TMEM150B: variants seen among roughly 807,000 people sequenced by gnomAD.
TMEM150B encodes transmembrane protein 150B.
TMEM150B carries 33 observed loss-of-function variants against 25.2 expected under a neutral mutation model. That is an observed-to-expected ratio of 1.31 (90% CI 0.99 to 1.75). The LOEUF (loss-of-function observed/expected upper bound fraction) is 1.75. Among genes scored for constraint, TMEM150B ranks in the 40% most tolerant of loss-of-function variants. TMEM150B has a pLI of 0.00. For missense variants in TMEM150B, 322 were observed against 306.1 expected, an observed-to-expected ratio of 1.05 and a Z score of -0.39; for synonymous variants, 133 against 134.8, an observed-to-expected ratio of 0.99 and a Z score of 0.09.
intron 5 of TMEM150B, 44 bp from the exon 6 acceptor site, chr19:55,320,210 G>T (rs1392529612): frequency 1.2e-6 from 2 of 1,600,650 alleles, no homozygotes; most frequent in Admixed American, 3.4e-5. Context: ...GACCCACCAA[G>T]AACTCCTGGG....
At chr19:55,325,029 A>G (rs2089298061) in intron 1 of TMEM150B, among the ~76,000 whole-genome samples, 1 of 152,180 alleles carries the variant, frequency 6.6e-6, no homozygotes, top group African/African-American at 2.4e-5. Context: ...CACCTGGCTG[A>G]TTCCCACTTC....
intron 6 of TMEM150B, 137 bp downstream of exon 6, chr19:55,319,902 C>T: frequency 6.8e-7 from 1 of 1,477,562 alleles, no homozygotes; most frequent in Non-Finnish European, 9.0e-7. Flanking sequence ...GGCCACTGGC[C>T]AGAGAAAAAT....
intron 7 of TMEM150B, among the ~76,000 whole-genome samples, chr19:55,314,215 T>C (rs2088916293): frequency 1.3e-5 from 2 of 151,978 alleles, no homozygotes; most frequent in South Asian, 4.1e-4. Flanking sequence ...AGAGATAGAG[T>C]TTCACCGTGT....
rs531003597 is a variant in TMEM150B at position 55,318,459 on chromosome 19, C to T, written c.325-1493G>A. On this transcript the variant is annotated intron_variant, in intron 6 of 7. Coordinates refer to ENST00000326652, the MANE Select transcript of TMEM150B (RefSeq NM_001282011.2). The stretch of plus-strand genomic sequence containing the variant: ...CCAGCCTGGCCAATATGGTGAAATC[C>T]CATCTCTACTAAAAATACAAAAAAA... Among the ~76,000 whole-genome samples, 15 of 152,020 alleles carry T rather than the reference C, an allele frequency of 9.9e-5. No homozygotes were observed. In the South Asian group the frequency reaches 1.0e-3, roughly 11 times the overall value.
chr19:55,314,863 C>T (rs565586635), intron 7 of TMEM150B, among the ~76,000 whole-genome samples: 37 of 152,326 alleles, frequency 2.4e-4, no homozygotes, highest in Admixed American at 9.8e-4. Flanking sequence ...TTCCAAGAAA[C>T]GGATGCACTT....
In TMEM150B at chr19:55,312,963, C is replaced by A; in HGVS notation, c.598G>T (p.Ala200Ser). The change falls in exon 8 of 8, where the codon GCC becomes TCC. Residue 200 changes from alanine (A) to serine (S), a missense_variant. Ala to Ser is a moderately conservative substitution (Grantham distance 99). Coordinates refer to ENST00000326652, the MANE Select transcript of TMEM150B (RefSeq NM_001282011.2). ...CTCTCCAGGGCGGAGAAGTCAACGG[C>A]TAAGAGACCGAAGAGCGCGAACAGC... ...MLLFALFGLLAVDFSALESCT... is the reference protein window; with the variant it reads ...MLLFALFGLLSVDFSALESCT... 4 of 1,613,540 alleles carry A rather than the reference C, an allele frequency of 2.5e-6. No homozygotes were observed. Among genetic ancestry groups the A allele is most frequent in the Non-Finnish European group, 3.4e-6 (4 of 1,179,804 alleles).
intron 1 of TMEM150B, 27 bp from the exon 2 acceptor site, chr19:55,322,770 G>T (rs905213973): frequency 3.1e-6 from 3 of 974,096 alleles, no homozygotes; most frequent in Non-Finnish European, 3.7e-6. Flanking sequence ...CAGGCTGCAG[G>T]ACTGCCTGGG....
rs1481539389 is a variant in TMEM150B at position 55,313,063 on chromosome 19, A to C, written c.506-8T>G. 6.2e-7 allele frequency: 1 copy of C among 1,604,984 alleles called. No homozygotes were observed. The highest frequency in any genetic ancestry group is 8.5e-7 in the Non-Finnish European group (1 of 1,176,280). On this transcript the variant is annotated splice_polypyrimidine_tract_variant and splice_region_variant and intron_variant, in intron 7 of 7. Coordinates refer to ENST00000326652, the MANE Select transcript of TMEM150B (RefSeq NM_001282011.2). The stretch of plus-strand genomic sequence containing the variant: ...AGGCGTGGAGGACGATCACTGCCCC[A>C]GGGTCAAGGGCCACACTGCTACCGT...
downstream of TMEM150B, chr19:55,311,967 C>T (rs1363582277): frequency 1.2e-6 from 2 of 1,601,012 alleles, no homozygotes; most frequent in South Asian, 1.1e-5. Context: ...AAGCCTGCAG[C>T]CCCCACCCGG....
chr19:55,311,956 G>A (rs763805486), downstream of TMEM150B: 16 of 1,447,872 alleles, frequency 1.1e-5, no homozygotes, highest in Admixed American at 5.3e-5. Context: ...GCCCCACCCC[G>A]AAGCCTGCAG....
chr19:55,323,783 G>A (rs1487048167), intron 1 of TMEM150B, among the ~76,000 whole-genome samples: 5 of 146,720 alleles, frequency 3.4e-5, no homozygotes, highest in Non-Finnish European at 6.0e-5. Flanking sequence ...GATTACAGGC[G>A]TGAGACACTG....
downstream of TMEM150B, chr19:55,312,156 A>C: frequency 1.7e-6 from 1 of 599,274 alleles, no homozygotes; most frequent in Non-Finnish European, 2.8e-6. Flanking sequence ...CCCAAGGAAC[A>C]TGTCGGGAGG....
rs186751765 is a variant in TMEM150B at position 55,322,042 on chromosome 19, C to A, written c.-58+606G>T. ...CCAGCCAGACAAAGACTGCTCCTGC[C>A]GCCTGACCCTTTTCCTTCTCTCTCC... On this transcript the variant is annotated intron_variant, in intron 2 of 7. Transcript: ENST00000326652. Among the ~76,000 whole-genome samples, 83 of 152,302 alleles carry A rather than the reference C, an allele frequency of 5.4e-4. 1 individual carries two copies. Among genetic ancestry groups the A allele is most frequent in the Admixed American group, 5.4e-3 (83 of 15,288 alleles).
intron 7 of TMEM150B, among the ~76,000 whole-genome samples, chr19:55,315,685 T>C (rs899406385): frequency 1.1e-4 from 17 of 148,030 alleles, no homozygotes; most frequent in African/African-American, 4.0e-4. Context: ...GGCATGAACC[T>C]GGGAGGCGGA....
At chr19:55,311,679 C>A (rs2088799299), downstream of TMEM150B, among the ~76,000 whole-genome samples, 1 of 152,180 alleles carries the variant, frequency 6.6e-6, no homozygotes, top group African/African-American at 2.4e-5. Context: ...TTGCAGGGGG[C>A]ATAGGGTGCA....
chr19:55,319,962 T>G (rs774431568), intron 6 of TMEM150B, 77 bp downstream of exon 6: 2 of 1,604,356 alleles, frequency 1.2e-6, no homozygotes, highest in African/African-American at 2.7e-5. Flanking sequence ...ACAATAAGCC[T>G]ATGGCCACGG....
intron 6 of TMEM150B, among the ~76,000 whole-genome samples, chr19:55,318,625 G>C (rs1432182325): frequency 1.3e-5 from 2 of 152,104 alleles, no homozygotes; most frequent in Non-Finnish European, 2.9e-5. Context: ...GACAGAGCAA[G>C]ACTCCATCTC....
At position 55,313,006 on chromosome 19, in the gene TMEM150B, C is replaced by T. The variant is rs1180781333; in HGVS notation, c.555G>A (p.Glu185=). 4 of 1,613,510 alleles carry T rather than the reference C, an allele frequency of 2.5e-6. No individual in the cohort carries two copies. The highest frequency in any genetic ancestry group is 3.4e-6 in the Non-Finnish European group (4 of 1,179,874). The change falls in exon 8 of 8, where the codon GAG becomes GAA. Residue 185 remains glutamate, a synonymous_variant. Coordinates refer to ENST00000326652, the MANE Select transcript of TMEM150B (RefSeq NM_001282011.2). ...CGAACAGCAGCATGGCCACGACCCA[C>T]TCGCAGGCCGCAGAGACGCTACGCA... ...CSLRSVSAAC[E]WVVAMLLFAL... is the part of the protein sequence containing the mutation.
chr19:55,322,572 G>T (rs2089235632), intron 2 of TMEM150B, 76 bp downstream of exon 2: 3 of 620,108 alleles, frequency 4.8e-6, no homozygotes, highest in Non-Finnish European at 6.0e-6. Context: ...ACATTCTCCT[G>T]CTTGGGGAGT....
Sources: gnomAD v4.1 joint callset for allele counts (sites outside exome capture counted in the v4.1 genomes callset) on GRCh38, gnomAD v4.1.1 for gene constraint, MANE v1.5 for transcripts, NCBI Gene and HGNC (gene_info 2026-07-23, HGNC 2026-07-21) for gene names.